ARHGAP15: variants seen among roughly 807,000 people sequenced by gnomAD.
ARHGAP15 encodes rho GTPase-activating protein 15.
In ARHGAP15, 51 loss-of-function variants were observed where a neutral mutation model predicts 63.7. The ratio of observed to expected loss-of-function variants is 0.80; its 90% confidence interval spans 0.64 to 1.01. The LOEUF (loss-of-function observed/expected upper bound fraction) is 1.01. Ranked by LOEUF, ARHGAP15 falls within the 50% of genes least tolerant of loss-of-function variation. The probability of loss-of-function intolerance (pLI) is 0.00; values close to 1 mark genes in which losing one functional copy is unlikely to be tolerated. For missense variants in ARHGAP15, 560 were observed against 564.6 expected, an observed-to-expected ratio of 0.99 and a Z score of 0.08; for synonymous variants, 191 against 193.8, an observed-to-expected ratio of 0.99 and a Z score of 0.12.
intron 11 of ARHGAP15, among the ~76,000 whole-genome samples, chr2:143,596,759 A>G (rs1481116720): frequency 6.6e-6 from 1 of 152,104 alleles, no homozygotes; most frequent in African/African-American, 2.4e-5. Flanking sequence ...TGTTGCGCTA[A>G]TTAATGATTC....
chr2:143,494,379 C>T (rs893831187), intron 9 of ARHGAP15, among the ~76,000 whole-genome samples: 1 of 152,092 alleles, frequency 6.6e-6, no homozygotes, highest in African/African-American at 2.4e-5. Context: ...TCATTTCTCA[C>T]ATACCATGAA....
chr2:143,713,352 C>T (rs1162964526), intron 13 of ARHGAP15, among the ~76,000 whole-genome samples: 1 of 152,130 alleles, frequency 6.6e-6, no homozygotes, highest in Non-Finnish European at 1.5e-5. Flanking sequence ...CGGGAATGAC[C>T]AGCCCCCATG....
At chr2:143,238,753 T>C (rs890909306) in intron 5 of ARHGAP15, among the ~76,000 whole-genome samples, 5 of 152,308 alleles carry the variant, frequency 3.3e-5, no homozygotes, top group African/African-American at 1.2e-4. Context: ...TGTATGTTCA[T>C]TGCAGCACTG....
At chr2:143,380,564 CA>C (rs1366652645) in intron 6 of ARHGAP15, among the ~76,000 whole-genome samples, 3 of 152,062 alleles carry the variant, frequency 2.0e-5, no homozygotes, top group African/African-American at 7.2e-5. Flanking sequence ...TTGATAATTG[CA>C]ATCTAACAAG....
chr2:143,592,051 T>C (rs13386631), intron 11 of ARHGAP15, among the ~76,000 whole-genome samples: 45,495 of 152,064 alleles, frequency 0.3, 7,932 homozygotes, highest in African/African-American at 0.49. Context: ...TTAAATTCAA[T>C]GTTTCCTGGA....
At chr2:143,489,079 A>C (rs1488332853) in intron 9 of ARHGAP15, among the ~76,000 whole-genome samples, 1 of 152,208 alleles carries the variant, frequency 6.6e-6, no homozygotes, top group Non-Finnish European at 1.5e-5. Flanking sequence ...AAAAATATAA[A>C]ACCAGCTAAG....
intron 11 of ARHGAP15, among the ~76,000 whole-genome samples, chr2:143,582,169 G>T (rs962704622): frequency 1.3e-5 from 2 of 152,126 alleles, no homozygotes; most frequent in Non-Finnish European, 2.9e-5. Flanking sequence ...CAAGGCAATG[G>T]CCAGTAAGAG....
chr2:143,538,082 A>G (rs1574599602), intron 10 of ARHGAP15, among the ~76,000 whole-genome samples: 1 of 152,114 alleles, frequency 6.6e-6, no homozygotes, highest in Non-Finnish European at 1.5e-5. Context: ...TTCTCCTTGA[A>G]GAGGTCCTTC....
chr2:143,490,594 G>C (rs1231371028), intron 9 of ARHGAP15, among the ~76,000 whole-genome samples: 1 of 151,926 alleles, frequency 6.6e-6, no homozygotes, highest in Admixed American at 6.5e-5. Flanking sequence ...CCTTGATGGT[G>C]CTGTATTTTC....
intron 6 of ARHGAP15, among the ~76,000 whole-genome samples, chr2:143,365,030 A>C (rs532179823): frequency 2.0e-5 from 3 of 152,192 alleles, no homozygotes; most frequent in African/African-American, 7.2e-5. Context: ...TAAATAAATA[A>C]ATAAATAGTT....
chr2:143,195,354 C>A (rs1437772601), intron 2 of ARHGAP15, among the ~76,000 whole-genome samples: 1 of 152,038 alleles, frequency 6.6e-6, no homozygotes, highest in Non-Finnish European at 1.5e-5. Context: ...AGAAAAATTG[C>A]ATCTTTCTTT....
At chr2:143,132,611 A>G (rs770356132) in intron 1 of ARHGAP15, among the ~76,000 whole-genome samples, 2 of 152,210 alleles carry the variant, frequency 1.3e-5, no homozygotes, top group African/African-American at 2.4e-5. Context: ...ATGCGTGACC[A>G]TGCCTAGCTC....
At chr2:143,713,331 C>A (rs1160980379) in intron 13 of ARHGAP15, among the ~76,000 whole-genome samples, 2 of 152,152 alleles carry the variant, frequency 1.3e-5, no homozygotes, top group Non-Finnish European at 2.9e-5. Flanking sequence ...TTCACTATCA[C>A]AAGAATAGCA....
chr2:143,206,742 A>C (rs1002217821), intron 3 of ARHGAP15, among the ~76,000 whole-genome samples: 2 of 152,158 alleles, frequency 1.3e-5, no homozygotes, highest in Non-Finnish European at 2.9e-5. Flanking sequence ...AGGAAAATAA[A>C]TGCTTTATTT....
At chr2:143,210,104 T>C (rs1396028533) in intron 3 of ARHGAP15, among the ~76,000 whole-genome samples, 2 of 152,104 alleles carry the variant, frequency 1.3e-5, no homozygotes, top group Non-Finnish European at 2.9e-5. Context: ...GCCATTCTCA[T>C]TGAAGTCCAG....
intron 12 of ARHGAP15, among the ~76,000 whole-genome samples, chr2:143,658,821 A>C (rs1195834776): frequency 6.6e-6 from 1 of 152,172 alleles, no homozygotes; most frequent in Admixed American, 6.5e-5. Context: ...AATTGATTTG[A>C]CTTCTATCAC....
At chr2:143,510,793 G>A (rs753923216) in intron 9 of ARHGAP15, among the ~76,000 whole-genome samples, 5 of 152,194 alleles carry the variant, frequency 3.3e-5, no homozygotes, top group African/African-American at 4.8e-5. Flanking sequence ...TTCGCTCTGT[G>A]TTCCGCATGT....
At chr2:143,163,517 A>G (rs553094469) in intron 2 of ARHGAP15, among the ~76,000 whole-genome samples, 2 of 152,100 alleles carry the variant, frequency 1.3e-5, no homozygotes, top group South Asian at 2.1e-4. Context: ...ATAATAACAT[A>G]TATATTTACA....
At chr2:143,582,589 C>T (rs371175929) in intron 11 of ARHGAP15, among the ~76,000 whole-genome samples, 23 of 152,252 alleles carry the variant, frequency 1.5e-4, no homozygotes, top group African/African-American at 4.6e-4. Flanking sequence ...CAGTGGCAAC[C>T]GATGAGTGAG....
Sources: gnomAD v4.1 joint callset for allele counts (sites outside exome capture counted in the v4.1 genomes callset) on GRCh38, gnomAD v4.1.1 for gene constraint, MANE v1.5 for transcripts, NCBI Gene and HGNC (gene_info 2026-07-23, HGNC 2026-07-21) for gene names.